Variants in AKR1C3 observed in about 807,000 individuals in gnomAD.
AKR1C3 encodes 3-alpha hydroxysteroid dehydrogenase, type II.
Under a neutral mutation model 43.6 loss-of-function variants are expected in AKR1C3, and 48 were observed. The observed-to-expected ratio is 1.10, with a 90% confidence interval of 0.87 to 1.40. The LOEUF (loss-of-function observed/expected upper bound fraction) is 1.40. Among genes scored for constraint, AKR1C3 ranks in the 40% most tolerant of loss-of-function variants. AKR1C3 has a pLI of 0.00. For synonymous variants in AKR1C3, 162 were observed against 139.6 expected, an observed-to-expected ratio of 1.16 and a Z score of -1.13; for missense variants, 482 against 391.2, an observed-to-expected ratio of 1.23 and a Z score of -1.96.
At chr10:5,067,755 A>G (rs1453968041) in intron 1 of AKR1C3, among the ~76,000 whole-genome samples, 2 of 152,188 alleles carry the variant, frequency 1.3e-5, no homozygotes, top group Admixed American at 1.3e-4. Context: ...TATGTTAGTA[A>G]TTTGTAAGTT....
At chr10:5,099,490 C>T (rs1279764595) in intron 5 of AKR1C3, 41 bp downstream of exon 5, 4 of 1,613,470 alleles carry the variant, frequency 2.5e-6, no homozygotes, top group Non-Finnish European at 2.5e-6. Flanking sequence ...TTCTTCATGC[C>T]CCCTCTTCCT....
At chr10:5,064,495 C>G (rs1274568126) in intron 1 of AKR1C3, among the ~76,000 whole-genome samples, 1 of 152,096 alleles carries the variant, frequency 6.6e-6, no homozygotes, top group African/African-American at 2.4e-5. Context: ...GATGAAGACA[C>G]CAAAAGCAAT....
In AKR1C3 at chr10:5,102,026, CCTTA is replaced by C. The variant is rs1301827879; in HGVS notation, c.571-71_571-68del. Reference sequence around the variant, plus strand: ...TGCTATACTGATTATTATTCAGCTTCCTTACTTTCATCTTTTCAATATTAACATA... The same window carrying C: ...TGCTATACTGATTATTATTCAGCTTCCTTTCATCTTTTCAATATTAACATA... On this transcript the variant is annotated intron_variant, in intron 5 of 8. Transcript: ENST00000380554. 1.7e-4 allele frequency: 157 copies of C among 937,892 alleles called. 1 individual carries two copies. The Admixed American group carries it at 2.9e-3, about 17-fold the overall frequency. The allele number at this position is 937,892 out of a possible 1,614,324, so 58.1% of individuals were successfully genotyped here. A position where few individuals can be genotyped will look rare whatever the true frequency, so the allele number is the denominator to read the frequency against.
rs371423804 is a variant in AKR1C3 at position 5,107,561 on chromosome 10, G to T, written c.*58G>T. ...CCCTGTGTGTGGATGGTGACGCAGA[G>T]GACGTCTCTATGCCGGTGACTGGAC... On this transcript the variant is annotated 3_prime_UTR_variant, in exon 9 of 9. Coordinates refer to ENST00000380554, the MANE Select transcript of AKR1C3 (RefSeq NM_003739.6). The T allele has an allele frequency of 2.2e-6, 3 of 1,387,768 alleles. No individual in the cohort carries two copies. The highest frequency in any genetic ancestry group is 2.9e-5 in the African/African-American group (2 of 69,550). 86.0% of individuals were successfully genotyped at this position (1,387,768 alleles called of 1,614,324 possible). A position where few individuals can be genotyped will look rare whatever the true frequency, so the allele number is the denominator to read the frequency against.
intron 1 of AKR1C3, among the ~76,000 whole-genome samples, chr10:5,057,098 G>T (rs1201845979): frequency 6.6e-6 from 1 of 152,220 alleles, no homozygotes; most frequent in African/African-American, 2.4e-5. Context: ...GGGGGCTTCT[G>T]ACCCAGGGAA....
Position 5,105,580 on chromosome 10 carries a change from T to C in AKR1C3, c.847-15T>C. On this transcript the variant is annotated splice_polypyrimidine_tract_variant and intron_variant, in intron 7 of 8. Coordinates refer to ENST00000380554, the MANE Select transcript of AKR1C3 (RefSeq NM_003739.6). ...TGGCAATCTAAAAATAATAAAAGTT[T>C]TTTATTTCTGATAGGTTTTTGAGTT... 6.2e-7 allele frequency: 1 copy of C among 1,606,652 alleles called. No homozygotes were observed. Among genetic ancestry groups the C allele is most frequent in the Non-Finnish European group, 8.5e-7 (1 of 1,174,996 alleles).
chr10:5,076,736 T>C (rs1423900686), intron 1 of AKR1C3, among the ~76,000 whole-genome samples: 1 of 152,176 alleles, frequency 6.6e-6, no homozygotes, highest in Admixed American at 6.5e-5. Flanking sequence ...ATAAGACATA[T>C]CGTAAAACTC....
intron 4 of AKR1C3, 45 bp downstream of exon 4, chr10:5,098,924 G>C: frequency 6.7e-7 from 1 of 1,491,128 alleles, no homozygotes; most frequent in African/African-American, 1.4e-5. Flanking sequence ...GACAAAAAGA[G>C]AAAATCTGTT....
intron 1 of AKR1C3, among the ~76,000 whole-genome samples, chr10:5,050,997 C>A (rs3903379): frequency 0.042 from 6,343 of 152,256 alleles, 457 homozygotes; most frequent in African/African-American, 0.14. Flanking sequence ...TCCTACTTTC[C>A]TTGGGAATTT....
At chr10:5,057,803 T>C (rs1838294193) in intron 1 of AKR1C3, among the ~76,000 whole-genome samples, 1 of 152,178 alleles carries the variant, frequency 6.6e-6, no homozygotes, top group Non-Finnish European at 1.5e-5. Flanking sequence ...CTGACTAAGA[T>C]ACCACATATC....
intron 1 of AKR1C3, among the ~76,000 whole-genome samples, chr10:5,082,608 T>C (rs1471746123): frequency 6.6e-6 from 1 of 152,144 alleles, no homozygotes; most frequent in Non-Finnish European, 1.5e-5. Context: ...CAGTGATTTG[T>C]GTATGTTTAA....
At chr10:5,059,911 G>A (rs1241831324) in intron 1 of AKR1C3, among the ~76,000 whole-genome samples, 1 of 151,678 alleles carries the variant, frequency 6.6e-6, no homozygotes, top group Non-Finnish European at 1.5e-5. Flanking sequence ...CTCGCAGTGA[G>A]TGTTACAGTT....
intron 1 of AKR1C3, among the ~76,000 whole-genome samples, chr10:5,082,811 G>A (rs556848947): frequency 6.6e-6 from 1 of 152,180 alleles, no homozygotes; most frequent in Admixed American, 6.6e-5. Flanking sequence ...TAGTTTAGTA[G>A]AACAATTAGG....
chr10:5,074,249 C>T (rs1554781595), intron 1 of AKR1C3, among the ~76,000 whole-genome samples: 2 of 152,154 alleles, frequency 1.3e-5, no homozygotes. Flanking sequence ...TCAGGACCTC[C>T]TGAGGGTGTG....
At chr10:5,102,718 G>A in intron 7 of AKR1C3, 68 bp downstream of exon 7, 1 of 1,468,486 alleles carries the variant, frequency 6.8e-7, no homozygotes, top group South Asian at 1.4e-5. Context: ...TTCTTGTAAG[G>A]CTCTCAGGAC....
intron 1 of AKR1C3, among the ~76,000 whole-genome samples, chr10:5,055,586 C>T (rs1348400462): frequency 6.6e-6 from 1 of 152,228 alleles, no homozygotes; most frequent in Non-Finnish European, 1.5e-5. Flanking sequence ...TTTGCTACTA[C>T]ATTAATTTCC....
chr10:5,087,607 C>G, intron 1 of AKR1C3, among the ~76,000 whole-genome samples: 1 of 151,958 alleles, frequency 6.6e-6, no homozygotes, highest in East Asian at 1.9e-4. Context: ...AACTCTTGAC[C>G]TCAAGTGACC....
chr10:5,103,782 T>G (rs1026742936), intron 7 of AKR1C3, among the ~76,000 whole-genome samples: 1 of 152,160 alleles, frequency 6.6e-6, no homozygotes, highest in Admixed American at 6.5e-5. Context: ...CAGGCCAGAC[T>G]CAAGGGATGG....
chr10:5,062,349 C>T (rs1838398525), intron 1 of AKR1C3, among the ~76,000 whole-genome samples: 1 of 152,132 alleles, frequency 6.6e-6, no homozygotes, highest in Non-Finnish European at 1.5e-5. Flanking sequence ...TGCCCTAGGC[C>T]AATTTCGTGG....
Sources: allele counts gnomAD v4.1 joint callset (sites outside exome capture counted in the v4.1 genomes callset), GRCh38; gene constraint gnomAD v4.1.1; transcripts MANE v1.5; gene names NCBI Gene and HGNC (gene_info 2026-07-23, HGNC 2026-07-21).